HP1BP3: variants seen among roughly 807,000 people sequenced by gnomAD.
The protein encoded by HP1BP3 is heterochromatin protein 1-binding protein 3.
A neutral mutation model predicts 62.5 loss-of-function variants in HP1BP3; 12 were observed. The observed-to-expected ratio is 0.19, with a 90% CI of 0.12 to 0.31. The LOEUF is 0.31. Among genes scored for constraint, HP1BP3 ranks in the 10% least tolerant of loss-of-function variants. HP1BP3 has a pLI of 1.00. For synonymous variants in HP1BP3, 260 were observed against 237.8 expected (o/e 1.09, Z -0.86); for missense variants, 502 against 651.8 (o/e 0.77, Z 2.50).
intron 9 of HP1BP3, chr1:20,755,315 T>G: frequency 2.2e-6 from 1 of 446,426 alleles, no homozygotes; most frequent in South Asian, 1.6e-5. Context: ...CACCTGTAAT[T>G]CCAACACTTT....
At chr1:20,746,825 G>A (rs1312084600) in intron 11 of HP1BP3, among the ~76,000 whole-genome samples, 1 of 152,162 alleles carries the variant, frequency 6.6e-6, no homozygotes, top group Non-Finnish European at 1.5e-5. Context: ...GGCCAGCCTA[G>A]ATAATATGGT....
chr1:20,762,397 T>A (rs2056533621), intron 8 of HP1BP3, among the ~76,000 whole-genome samples: 1 of 150,740 alleles, frequency 6.6e-6, no homozygotes, highest in African/African-American at 2.4e-5. Flanking sequence ...GTAAGTAGAG[T>A]AGAACTACAA....
At chr1:20,783,716 G>A (rs2057680325) in intron 1 of HP1BP3, among the ~76,000 whole-genome samples, 1 of 129,884 alleles carries the variant, frequency 7.7e-6, no homozygotes, top group Admixed American at 8.9e-5. Flanking sequence ...GTTGCAGTGA[G>A]CCGAGATCAT....
At chr1:20,770,902 G>C in intron 6 of HP1BP3, 28 bp downstream of exon 6, 2 of 1,524,612 alleles carry the variant, frequency 1.3e-6, no homozygotes, top group Non-Finnish European at 1.8e-6. Flanking sequence ...ACAATGAAAT[G>C]ATCTTACTAC....
intron 11 of HP1BP3, 135 bp downstream of exon 11, chr1:20,747,409 A>C: frequency 1.6e-6 from 1 of 616,938 alleles, no homozygotes; most frequent in South Asian, 2.2e-5. Context: ...CAGTTCTGTA[A>C]CCAATCCCCT....
At position 20,749,704 on chromosome 1, in the gene HP1BP3, A is replaced by G; in HGVS notation, c.1141+19T>C. ...AAAATTCTCCTAATCCCAGTTAAAT[A>G]TACACAACCGAGTCTTACTTTGATA... On this transcript the variant is annotated intron_variant, in intron 10 of 12. Coordinates refer to ENST00000438032, the MANE Select transcript of HP1BP3 (RefSeq NM_001372052.1). 6.3e-7 allele frequency: 1 copy of G among 1,599,720 alleles called. No homozygotes were observed. The highest frequency in any genetic ancestry group is 8.5e-7 in the Non-Finnish European group (1 of 1,173,552).
At chr1:20,749,628 G>GGATT in intron 10 of HP1BP3, 95 bp downstream of exon 10, 1 of 1,224,176 alleles carries the variant, frequency 8.2e-7, no homozygotes, top group Non-Finnish European at 1.1e-6. Context: ...CAAAGTGCTG[G>GGATT]GATTACAGGC....
rs1438496048 is a variant in HP1BP3, at chr1:20,751,788, T to TGTAATTGAAATACTA, written c.982-1907_982-1906insTAGTATTTCAATTAC. On this transcript the variant is annotated intron_variant, in intron 9 of 12. Coordinates refer to ENST00000438032, the MANE Select transcript of HP1BP3 (RefSeq NM_001372052.1). ...ACAAAAGAAAATTACATAGCATACT[T>TGTAATTGAAATACTA]TGAAAATGAAAGGTGTGGTAACAAA... 2.1e-3 allele frequency among the ~76,000 whole-genome samples: 318 copies of TGTAATTGAAATACTA among 150,500 alleles called. 1 individual carries two copies. The highest frequency in any genetic ancestry group is 7.1e-3 in the African/African-American group (290 of 41,068).
At chr1:20,784,476 C>CTTTTTT (rs368306686) in intron 1 of HP1BP3, among the ~76,000 whole-genome samples, 4 of 124,548 alleles carry the variant, frequency 3.2e-5, no homozygotes, top group Non-Finnish European at 4.9e-5. Flanking sequence ...TGTGTTTTCC[C>CTTTTTT]TTTTTTTTTT....
At position 20,764,691 on chromosome 1, in the gene HP1BP3, G is replaced by GA. The variant is rs745772445; in HGVS notation, c.890+685dup. ...CAAAGAAAGATAAGATTTGGGTTTG[G>GA]AAAAAAAAAAAAAAAAACCACACAA... On this transcript the variant is annotated intron_variant, in intron 8 of 12. Transcript: ENST00000438032. Among the ~76,000 whole-genome samples the GA allele has an allele frequency of 5.0e-3, 179 of 36,096 alleles. 1 individual carries two copies. Among genetic ancestry groups the GA allele is most frequent in the Admixed American group, 7.6e-3 (30 of 3,936 alleles). The allele number at this position is 36,096 out of a possible 152,430, so 23.7% of individuals were successfully genotyped here. A position where few individuals can be genotyped will look rare whatever the true frequency, so the allele number is the denominator to read the frequency against.
Position 20,776,679 on chromosome 1 carries a change from AAGT to A in HP1BP3, c.265_267del (p.Thr89del). 3 of 1,613,842 alleles carry A rather than the reference AAGT, an allele frequency of 1.9e-6. No individual in the cohort carries two copies. The highest frequency in any genetic ancestry group is 4.5e-5 in the East Asian group (2 of 44,860). On this transcript the variant is annotated inframe_deletion, in exon 4 of 13. Transcript: ENST00000438032. ...CCCTTTGGCTGCTCTGCCTCACTCG[AAGT>A]AGCAGGTGGAGTTTCATTCTCTTGT... is the stretch of plus-strand genomic sequence containing the variant.
chr1:20,765,899 A>G (rs556251182), intron 7 of HP1BP3, among the ~76,000 whole-genome samples: 1 of 150,804 alleles, frequency 6.6e-6, no homozygotes, highest in Non-Finnish European at 1.5e-5. Flanking sequence ...CGGGAGGTGG[A>G]GATTGCAGTG....
At chr1:20,778,710 A>G (rs1166016810) in intron 3 of HP1BP3, among the ~76,000 whole-genome samples, 1 of 152,176 alleles carries the variant, frequency 6.6e-6, no homozygotes, top group Non-Finnish European at 1.5e-5. Context: ...ATCCAGGCTC[A>G]GCCAGAAAAG....
At chr1:20,759,616 G>C (rs2154540246) in intron 8 of HP1BP3, among the ~76,000 whole-genome samples, 1 of 152,288 alleles carries the variant, frequency 6.6e-6, no homozygotes, top group East Asian at 1.9e-4. Context: ...CTTCGAGTCT[G>C]CACAACTGTG....
chr1:20,756,169 T>A (rs2056095508), intron 9 of HP1BP3, among the ~76,000 whole-genome samples: 1 of 152,218 alleles, frequency 6.6e-6, no homozygotes, highest in Non-Finnish European at 1.5e-5. Context: ...TCAATAAAGC[T>A]GTTAAAAAAA....
At chr1:20,775,773 G>A in intron 4 of HP1BP3, 1 of 487,616 alleles carries the variant, frequency 2.1e-6, no homozygotes. Context: ...ATGCTGTACA[G>A]GTTTGTAGCC....
chr1:20,775,026 A>G (rs1369427323), intron 4 of HP1BP3: 1 of 152,016 alleles, frequency 6.6e-6, no homozygotes, highest in African/African-American at 2.4e-5. Flanking sequence ...ATTATACATA[A>G]TACCTGATAA....
intron 1 of HP1BP3, among the ~76,000 whole-genome samples, chr1:20,781,149 A>T (rs1320133248): frequency 6.6e-6 from 1 of 152,150 alleles, no homozygotes; most frequent in Non-Finnish European, 1.5e-5. Flanking sequence ...GAAGAATATA[A>T]TTAAATATTC....
chr1:20,762,885 C>G (rs1430540080), intron 8 of HP1BP3, among the ~76,000 whole-genome samples: 3 of 152,102 alleles, frequency 2.0e-5, no homozygotes, highest in Admixed American at 1.3e-4. Context: ...TGACTGAGAC[C>G]TGTCTCAGAT....
Sources: gnomAD v4.1 joint callset for allele counts (sites outside exome capture counted in the v4.1 genomes callset) on GRCh38, gnomAD v4.1.1 for gene constraint, MANE v1.5 for transcripts, NCBI Gene and HGNC (gene_info 2026-07-23, HGNC 2026-07-21) for gene names.